The following DPYS variants were observed in gnomAD, a reference collection of about 807,000 sequenced individuals.
DPYS encodes dihydropyrimidine amidohydrolase.
A neutral mutation model predicts 50.3 loss-of-function variants in DPYS; 39 were observed. That is an observed-to-expected ratio of 0.78 (90% confidence interval 0.60 to 1.01). DPYS has a LOEUF of 1.01. Ranked by LOEUF, DPYS falls within the 50% of genes least tolerant of loss-of-function variation. DPYS has a pLI of 0.00. For missense variants in DPYS, 659 were observed against 680.9 expected (o/e 0.97, Z 0.36); for synonymous variants, 245 against 250.7 (o/e 0.98, Z 0.22).
At chr8:104,419,712 A>G (rs1812484211) in intron 7 of DPYS, 1 of 152,250 alleles carries the variant, frequency 6.6e-6, no homozygotes, top group Non-Finnish European at 1.5e-5. Flanking sequence ...TCTACAAAAT[A>G]CCTGATCGAT....
rs147056427 is a variant in DPYS, at chr8:104,404,714, C to T, written c.1236-11723G>A. Among the ~76,000 whole-genome samples, 82 of 152,364 alleles carry T rather than the reference C, an allele frequency of 5.4e-4. 1 individual carries two copies. Among genetic ancestry groups the T allele is most frequent in the East Asian group, 4.4e-3 (23 of 5,190 alleles). On this transcript the variant is annotated intron_variant, in intron 7 of 9. Coordinates refer to ENST00000351513, the MANE Select transcript of DPYS (RefSeq NM_001385.3). ...AACCAGAGGTTGGCAAACCATGGCC[C>T]GCAGGCCAAATCTGGCCCATAGCCT...
chr8:104,466,270 T>A (rs1038534733), intron 1 of DPYS, among the ~76,000 whole-genome samples: 1 of 152,138 alleles, frequency 6.6e-6, no homozygotes, highest in Admixed American at 6.5e-5. Flanking sequence ...TAAAAAAAGA[T>A]TCTAAAGAAT....
At chr8:104,391,471 G>A (rs1588400376) in intron 8 of DPYS, among the ~76,000 whole-genome samples, 1 of 152,170 alleles carries the variant, frequency 6.6e-6, no homozygotes, top group East Asian at 1.9e-4. Context: ...GGACCCATGT[G>A]GGATTGAGGA....
chr8:104,466,338 T>A (rs886726742), intron 1 of DPYS, among the ~76,000 whole-genome samples: 20 of 151,906 alleles, frequency 1.3e-4, no homozygotes, highest in Middle Eastern at 6.8e-3. Flanking sequence ...GCGGGGAGAT[T>A]TGGGGAGTAA....
At chr8:104,382,538 G>GT (rs11388669) in intron 8 of DPYS, among the ~76,000 whole-genome samples, 35,979 of 128,204 alleles carry the variant, frequency 0.28, 6,185 homozygotes, top group African/African-American at 0.48. Context: ...CTTGGTCCCT[G>GT]TTTTTTTTTT....
At chr8:104,426,523 CAAAAT>C (rs1812726801) in intron 6 of DPYS, among the ~76,000 whole-genome samples, 1 of 152,144 alleles carries the variant, frequency 6.6e-6, no homozygotes, top group South Asian at 2.1e-4. Flanking sequence ...CCTTTGGAAA[CAAAAT>C]TGACAAGACT....
chr8:104,422,364 T>C (rs1252382107), intron 7 of DPYS, among the ~76,000 whole-genome samples: 1 of 152,238 alleles, frequency 6.6e-6, no homozygotes, highest in Non-Finnish European at 1.5e-5. Context: ...AAGAAAATTA[T>C]AAAGTGCTCT....
chr8:104,424,459 G>A (rs1812653338), intron 6 of DPYS, 70 bp from the exon 7 acceptor site: 1 of 1,514,236 alleles, frequency 6.6e-7, no homozygotes, highest in Non-Finnish European at 9.0e-7. Flanking sequence ...AAAATGACAA[G>A]ACTTGCATCT....
chr8:104,400,723 T>A (rs1229422312), intron 7 of DPYS, among the ~76,000 whole-genome samples: 1 of 152,232 alleles, frequency 6.6e-6, no homozygotes, highest in African/African-American at 2.4e-5. Context: ...AAGAGGCACA[T>A]CTTGCTGCAG....
At position 104,466,637 on chromosome 8, in the gene DPYS, G is replaced by T; in HGVS notation, c.264+20C>A. ...AGCCTCCGTGGGTACCGCGGGGCGGGGGCGCGGCGGGGCGGGTACCTTGGT... is the reference window on the plus strand; with the variant it reads ...AGCCTCCGTGGGTACCGCGGGGCGGTGGCGCGGCGGGGCGGGTACCTTGGT... On this transcript the variant is annotated intron_variant, in intron 1 of 9. Transcript: ENST00000351513. The T allele has an allele frequency of 6.6e-7, 1 of 1,503,810 alleles. No individual in the cohort carries two copies. The allele number at this position is 1,503,810 out of a possible 1,614,324, so 93.2% of individuals were successfully genotyped here. A position where few individuals can be genotyped will look rare whatever the true frequency, so the allele number is the denominator to read the frequency against.
intron 8 of DPYS, among the ~76,000 whole-genome samples, chr8:104,385,901 G>A (rs1177796056): frequency 6.6e-6 from 1 of 152,176 alleles, no homozygotes; most frequent in Non-Finnish European, 1.5e-5. Context: ...ATCCTGAAAT[G>A]TCAGCCAATA....
At position 104,427,971 on chromosome 8, in the gene DPYS, G is replaced by A. The variant is rs138453168; in HGVS notation, c.1092+9C>T. ...TAGGCAAAGCAAGGCTGGAACCTGTGAAACCCACCACGCCTTTTTCCCATA... is the reference window on the plus strand; with the variant it reads ...TAGGCAAAGCAAGGCTGGAACCTGTAAAACCCACCACGCCTTTTTCCCATA... On this transcript the variant is annotated intron_variant, in intron 6 of 9. Coordinates refer to ENST00000351513, the MANE Select transcript of DPYS (RefSeq NM_001385.3). 2,397 of 1,613,956 alleles carry A rather than the reference G, an allele frequency of 1.5e-3. 12 individuals are homozygous for A. The highest frequency in any genetic ancestry group is 0.012 in the African/African-American group (925 of 75,038).
chr8:104,462,596 C>A (rs1233086832), intron 1 of DPYS, among the ~76,000 whole-genome samples: 2 of 152,200 alleles, frequency 1.3e-5, no homozygotes. Flanking sequence ...GATGTTCCTC[C>A]TGCCAGCTAC....
chr8:104,427,893 T>A, intron 6 of DPYS, 87 bp downstream of exon 6: 1 of 1,602,752 alleles, frequency 6.2e-7, no homozygotes, highest in Non-Finnish European at 8.5e-7. Context: ...AGCTTCTCTA[T>A]GAAAATTTGT....
chr8:104,402,814 G>A (rs1021084950), intron 7 of DPYS, among the ~76,000 whole-genome samples: 1 of 152,168 alleles, frequency 6.6e-6, no homozygotes, highest in Non-Finnish European at 1.5e-5. Context: ...GAATCCCTAA[G>A]CCTAGCTGGG....
intron 7 of DPYS, chr8:104,411,654 C>A (rs1812178453): frequency 6.6e-6 from 1 of 152,172 alleles, no homozygotes; most frequent in Non-Finnish European, 1.5e-5. Context: ...AAAAATAAAA[C>A]AAAGCTATTT....
chr8:104,429,404 G>T, intron 5 of DPYS, 141 bp downstream of exon 5: 1 of 1,020,494 alleles, frequency 9.8e-7, no homozygotes, highest in Non-Finnish European at 1.5e-6. Flanking sequence ...TGCTCTGCAG[G>T]TGAGGGGTAC....
Position 104,433,233 on chromosome 8 carries a change from G to A in DPYS, c.794-3532C>T, listed in dbSNP as rs369235018. On this transcript the variant is annotated intron_variant, in intron 4 of 9. Transcript: ENST00000351513. ...GAAAATAAATTCCTGTTGTTTAAGC[G>A]GCCCAGTCTGTGGCACTTTGCAACG... is the stretch of plus-strand genomic sequence containing the variant. Among the ~76,000 whole-genome samples, 8 of 152,254 alleles carry A rather than the reference G, an allele frequency of 5.3e-5. No homozygotes were observed. The South Asian group carries it at 6.2e-4, about 12-fold the overall frequency.
chr8:104,405,873 C>T (rs1470545399), intron 7 of DPYS, among the ~76,000 whole-genome samples: 5 of 152,304 alleles, frequency 3.3e-5, no homozygotes, highest in East Asian at 1.9e-4. Flanking sequence ...ATGAGCTGCC[C>T]GCCACAGCCA....
Sources: allele counts gnomAD v4.1 joint callset (sites outside exome capture counted in the v4.1 genomes callset), GRCh38; gene constraint gnomAD v4.1.1; transcripts MANE v1.5; gene names NCBI Gene and HGNC (gene_info 2026-07-23, HGNC 2026-07-21).